MLLT10: variants seen among roughly 807,000 people sequenced by gnomAD.
MLLT10 encodes protein AF-10.
Under a neutral mutation model 129.1 loss-of-function variants are expected in MLLT10, and 30 were observed. That is an observed-to-expected ratio of 0.23 (90% CI 0.17 to 0.32). MLLT10 has a LOEUF of 0.32. Among genes scored for constraint, MLLT10 ranks in the 10% least tolerant of loss-of-function variants. MLLT10 has a pLI of 1.00. For synonymous variants in MLLT10, 490 were observed against 446.4 expected (o/e 1.10, Z -1.23); for missense variants, 1,119 against 1,268.3 (o/e 0.88, Z 1.79).
chr10:21,691,349 T>G (rs2053832361), intron 13 of MLLT10, among the ~76,000 whole-genome samples: 1 of 152,328 alleles, frequency 6.6e-6, no homozygotes, highest in South Asian at 2.1e-4. Context: ...GGTCATTTTA[T>G]TTCAGGATCT....
chr10:21,712,682 G>A (rs2056212192), intron 13 of MLLT10, among the ~76,000 whole-genome samples: 1 of 152,080 alleles, frequency 6.6e-6, no homozygotes, highest in East Asian at 1.9e-4. Context: ...ATTTCTTCTG[G>A]AGGCTGTCCT....
chr10:21,556,767 G>A (rs1043305564), intron 3 of MLLT10: 3 of 1,603,736 alleles, frequency 1.9e-6, no homozygotes, highest in East Asian at 2.2e-5. Context: ...CCAGTTTCTG[G>A]TGCTCTGATG....
chr10:21,593,304 G>A (rs1189216100), intron 4 of MLLT10, among the ~76,000 whole-genome samples: 4 of 151,938 alleles, frequency 2.6e-5, no homozygotes, highest in African/African-American at 7.3e-5. Context: ...TGTTGCCTAG[G>A]GTGGTCTTGA....
intron 9 of MLLT10, among the ~76,000 whole-genome samples, chr10:21,663,335 C>T (rs117758844): frequency 6.6e-6 from 1 of 151,380 alleles, no homozygotes; most frequent in East Asian, 1.9e-4. Context: ...GCTGGATTTG[C>T]TTAAGTAAGT....
At position 21,597,180 on chromosome 10, in the gene MLLT10, C is replaced by T. The variant is rs531196195; in HGVS notation, c.405+1740C>T. Among the ~76,000 whole-genome samples the T allele has an allele frequency of 2.6e-5, 4 of 152,130 alleles. No homozygotes were observed. In the South Asian group the frequency reaches 8.3e-4, roughly 32 times the overall value. On this transcript the variant is annotated intron_variant, in intron 5 of 22. Coordinates refer to ENST00000307729, the MANE Select transcript of MLLT10 (RefSeq NM_001195626.3). Reference sequence around the variant, plus strand: ...CTTACCAATATAATATGCTGTCACCCCTGAATACTTCAGAGTTTCCCATAA... The same window carrying T: ...CTTACCAATATAATATGCTGTCACCTCTGAATACTTCAGAGTTTCCCATAA...
intron 3 of MLLT10, among the ~76,000 whole-genome samples, chr10:21,553,665 T>C (rs1176224281): frequency 6.6e-6 from 1 of 151,472 alleles, no homozygotes; most frequent in Non-Finnish European, 1.5e-5. Context: ...TCTTTTTTTT[T>C]TTTTCAGACA....
intron 13 of MLLT10, among the ~76,000 whole-genome samples, chr10:21,693,559 G>A (rs1589677105): frequency 6.6e-6 from 1 of 151,940 alleles, no homozygotes; most frequent in Admixed American, 6.6e-5. Flanking sequence ...GCACACACTC[G>A]TTTAAGATCA....
rs1416130771 is a variant in MLLT10, at chr10:21,735,121, A to C, written c.2859-18A>C. On this transcript the variant is annotated intron_variant, in intron 20 of 22. Transcript: ENST00000307729. The stretch of plus-strand genomic sequence containing the variant: ...TAGAGGTGTGTAGTAAAAAGTAAGA[A>C]TTGTAATCATTTTTCAGTGCCTCAG... 1.3e-6 allele frequency: 2 copies of C among 1,595,226 alleles called. No individual in the cohort carries two copies. Among genetic ancestry groups the C allele is most frequent in the Non-Finnish European group, 1.7e-6 (2 of 1,165,830 alleles).
At chr10:21,557,404 A>G (rs1369288742) in intron 3 of MLLT10, among the ~76,000 whole-genome samples, 1 of 152,198 alleles carries the variant, frequency 6.6e-6, no homozygotes, top group Admixed American at 6.5e-5. Context: ...CGTATCTGGT[A>G]TATTTCCTCC....
intron 3 of MLLT10, among the ~76,000 whole-genome samples, chr10:21,558,235 G>A (rs985402381): frequency 2.0e-5 from 3 of 151,994 alleles, no homozygotes; most frequent in Non-Finnish European, 4.4e-5. Context: ...ACAGGCGTGA[G>A]CCACTGTGCT....
chr10:21,709,380 C>T (rs987461190), intron 13 of MLLT10, among the ~76,000 whole-genome samples: 4 of 152,284 alleles, frequency 2.6e-5, no homozygotes, highest in Non-Finnish European at 5.9e-5. Context: ...TACAGGCATG[C>T]GCCGCCATGC....
At chr10:21,594,424 C>G (rs560479908) in intron 4 of MLLT10, among the ~76,000 whole-genome samples, 27 of 151,980 alleles carry the variant, frequency 1.8e-4, no homozygotes, top group Non-Finnish European at 2.9e-4. Context: ...TGGTGCATGC[C>G]TGTAATCCCA....
chr10:21,556,388 G>C (rs1393149855), intron 3 of MLLT10, among the ~76,000 whole-genome samples: 1 of 152,138 alleles, frequency 6.6e-6, no homozygotes, highest in South Asian at 2.1e-4. Context: ...AAATATATCT[G>C]ATCATGATCA....
At chr10:21,619,195 T>A (rs901935276) in intron 8 of MLLT10, among the ~76,000 whole-genome samples, 21 of 152,186 alleles carry the variant, frequency 1.4e-4, no homozygotes, top group African/African-American at 4.8e-4. Context: ...TGATAAAAAA[T>A]AGCAGAGTTA....
intron 8 of MLLT10, among the ~76,000 whole-genome samples, chr10:21,650,641 T>G (rs552918614): frequency 6.6e-6 from 1 of 152,206 alleles, no homozygotes; most frequent in South Asian, 2.1e-4. Context: ...ACAAATTCGA[T>G]GAACTCTTTA....
chr10:21,726,695 T>A (rs1425482438), intron 15 of MLLT10, among the ~76,000 whole-genome samples: 1 of 146,818 alleles, frequency 6.8e-6, no homozygotes, highest in Non-Finnish European at 1.5e-5. Flanking sequence ...TTTTTTTTTT[T>A]TTTTTTTTTT....
At chr10:21,545,714 C>T (rs1273272823) in intron 3 of MLLT10, among the ~76,000 whole-genome samples, 1 of 152,084 alleles carries the variant, frequency 6.6e-6, no homozygotes, top group Non-Finnish European at 1.5e-5. Flanking sequence ...TTTGCCCACG[C>T]TGGAATCAGT....
At chr10:21,717,540 TCCCTTCTTC>T (rs2056709502) in intron 14 of MLLT10, among the ~76,000 whole-genome samples, 1 of 111,686 alleles carries the variant, frequency 9.0e-6, no homozygotes, top group Non-Finnish European at 1.8e-5. Context: ...CTCCTCCTCC[TCCCTTCTTC>T]TTTCTTCTTC....
chr10:21,707,189 A>ATTTTTTT, intron 13 of MLLT10, among the ~76,000 whole-genome samples: 1 of 122,502 alleles, frequency 8.2e-6, no homozygotes, highest in Non-Finnish European at 1.7e-5. Context: ...AGTTTAGATG[A>ATTTTTTT]TTTTTTTTTT....
Sources: gnomAD v4.1 joint callset for allele counts (sites outside exome capture counted in the v4.1 genomes callset) on GRCh38, gnomAD v4.1.1 for gene constraint, MANE v1.5 for transcripts, NCBI Gene and HGNC (gene_info 2026-07-23, HGNC 2026-07-21) for gene names.